SDK1: variants seen among roughly 807,000 people sequenced by gnomAD.
SDK1 encodes protein sidekick-1.
In SDK1, 157 loss-of-function variants were observed where a neutral mutation model predicts 245.5. That is an observed-to-expected ratio of 0.64 (90% CI 0.56 to 0.73). The LOEUF (loss-of-function observed/expected upper bound fraction) is 0.73, where lower values mean the gene tolerates loss of function less well. SDK1 is among the 30% of genes least tolerant of loss of function. The probability of loss-of-function intolerance (pLI) is 0.00; values close to 1 mark genes in which losing one functional copy is unlikely to be tolerated. For synonymous variants in SDK1, 1,647 were observed against 1,278.5 expected (o/e 1.29, Z -6.15); for missense variants, 3,583 against 3,002.3 (o/e 1.19, Z -4.52).
In SDK1 at chr7:3,320,961, A is replaced by G. The variant is rs115997221; in HGVS notation, c.298+19077A>G. Among the ~76,000 whole-genome samples, 1,205 of 152,222 alleles carry G rather than the reference A, an allele frequency of 7.9e-3. 16 individuals are homozygous for G. Among genetic ancestry groups the G allele is most frequent in the African/African-American group, 0.028 (1,171 of 41,544 alleles). Reference sequence around the variant, plus strand: ...AAACCTTGTGCTTGACAAAAATTGAATGTTGCCTGTATACTCCAGACACAA... The same window carrying G: ...AAACCTTGTGCTTGACAAAAATTGAGTGTTGCCTGTATACTCCAGACACAA... On this transcript the variant is annotated intron_variant, in intron 1 of 44. Transcript: ENST00000404826.
Position 4,193,124 on chromosome 7 carries a change from T to C in SDK1, c.5099-12755T>C, listed in dbSNP as rs1348029275. ...TAATATAAATATATTAAAATATATATAATATATAAATATATTAATATATTT... is the reference window on the plus strand; with the variant it reads ...TAATATAAATATATTAAAATATATACAATATATAAATATATTAATATATTT... On this transcript the variant is annotated intron_variant, in intron 35 of 44. Coordinates refer to ENST00000404826, the MANE Select transcript of SDK1 (RefSeq NM_152744.4). Among the ~76,000 whole-genome samples the C allele has an allele frequency of 1.0e-4, 14 of 134,060 alleles. No homozygotes were observed. The East Asian group carries it at 2.4e-3, about 23-fold the overall frequency. The allele number at this position is 134,060 out of a possible 152,430, so 87.9% of individuals were successfully genotyped here. A position where few individuals can be genotyped will look rare whatever the true frequency, so the allele number is the denominator to read the frequency against.
Position 4,026,494 on chromosome 7 carries a change from GC to G in SDK1, c.2602+9143del, listed in dbSNP as rs1304132624. 6.6e-6 allele frequency among the ~76,000 whole-genome samples: 1 copy of G among 152,238 alleles called. No homozygotes were observed. Among genetic ancestry groups the G allele is most frequent in the Non-Finnish European group, 1.5e-5 (1 of 68,046 alleles). On this transcript the variant is annotated intron_variant, in intron 17 of 44. Transcript: ENST00000404826. This position sits in a 1 kb window ranked among gnomAD's most constrained non-coding sequence, Gnocchi z 4.1. ...GTGTGCAGACAGCCTGCCAGGGCCT[GC>G]GGGCTCTCCCCACGTGCTGTGCCCC... is the stretch of plus-strand genomic sequence containing the variant.
At chr7:3,590,405 C>T (rs1212832006) in intron 1 of SDK1, among the ~76,000 whole-genome samples, 3 of 147,574 alleles carry the variant, frequency 2.0e-5, no homozygotes, top group African/African-American at 7.5e-5. Context: ...TCAAACTCTG[C>T]AGAACAAAGA....
At chr7:3,655,294 G>A (rs1011108840) in intron 4 of SDK1, among the ~76,000 whole-genome samples, 7 of 150,854 alleles carry the variant, frequency 4.6e-5, no homozygotes, top group African/African-American at 1.7e-4. Flanking sequence ...TTAGCCAGAC[G>A]TGGTGGCGGG....
intron 4 of SDK1, among the ~76,000 whole-genome samples, chr7:3,798,322 A>G (rs1260597467): frequency 7.0e-6 from 1 of 142,192 alleles, no homozygotes; most frequent in Non-Finnish European, 1.5e-5. Context: ...GGTTCACACC[A>G]TTCTCCTGCC....
intron 1 of SDK1, among the ~76,000 whole-genome samples, chr7:3,490,544 T>A (rs1301904052): frequency 2.6e-5 from 4 of 152,260 alleles, no homozygotes; most frequent in African/African-American, 9.6e-5. Context: ...TTATTTTTTG[T>A]GTCAAGAACT....
At chr7:3,965,832 A>C (rs1409247921) in intron 9 of SDK1, among the ~76,000 whole-genome samples, 2 of 152,064 alleles carry the variant, frequency 1.3e-5, no homozygotes, top group South Asian at 4.1e-4. Flanking sequence ...TAGAAGGAGC[A>C]GGAGTGTGAA....
rs576407124 is a variant in SDK1 at position 3,391,952 on chromosome 7, T to A, written c.298+90068T>A. On this transcript the variant is annotated intron_variant, in intron 1 of 44. Transcript: ENST00000404826. ...CCAACAACTGAAATATTTTTAAAAG[T>A]ATGTATATCATGTAATATATATATA... Among the ~76,000 whole-genome samples the A allele has an allele frequency of 3.2e-5, 4 of 123,568 alleles. No individual in the cohort carries two copies. In the Admixed American group the frequency reaches 3.5e-4, roughly 11 times the overall value. The allele number at this position is 123,568 out of a possible 152,430, so 81.1% of individuals were successfully genotyped here.
chr7:4,027,619 G>A (rs756738361), intron 17 of SDK1, among the ~76,000 whole-genome samples: 2 of 152,080 alleles, frequency 1.3e-5, no homozygotes, highest in African/African-American at 2.4e-5. Context: ...GAGTTTCCTC[G>A]GATTAACCAT....
intron 4 of SDK1, among the ~76,000 whole-genome samples, chr7:3,704,783 G>A (rs1378533134): frequency 6.6e-6 from 1 of 152,118 alleles, no homozygotes; most frequent in African/African-American, 2.4e-5. Context: ...GTCCAAAAGA[G>A]TTTATCCTAG....
At chr7:4,014,320 T>G (rs1001035380) in intron 16 of SDK1, among the ~76,000 whole-genome samples, 3 of 152,224 alleles carry the variant, frequency 2.0e-5, no homozygotes, top group East Asian at 1.9e-4. Context: ...TTTTCTGTGA[T>G]GGGGTCAGTA....
At chr7:3,358,093 C>T (rs1010367634) in intron 1 of SDK1, among the ~76,000 whole-genome samples, 6 of 152,094 alleles carry the variant, frequency 3.9e-5, no homozygotes, top group Non-Finnish European at 8.8e-5. Context: ...AGGATCTCGG[C>T]TCACTGCAAC....
intron 20 of SDK1, among the ~76,000 whole-genome samples, chr7:4,074,918 T>A (rs7458905): frequency 0.087 from 5,187 of 59,454 alleles, 101 homozygotes; most frequent in Non-Finnish European, 0.12. Context: ...ATATATATAT[T>A]TTTTTTTTTT....
intron 4 of SDK1, among the ~76,000 whole-genome samples, chr7:3,696,284 C>G (rs1229021079): frequency 6.6e-6 from 1 of 152,102 alleles, no homozygotes; most frequent in African/African-American, 2.4e-5. Context: ...GGTCATCCTC[C>G]ACTCCTTGGA....
chr7:3,553,712 G>C (rs969963435), intron 1 of SDK1, among the ~76,000 whole-genome samples: 1 of 152,172 alleles, frequency 6.6e-6, no homozygotes, highest in African/African-American at 2.4e-5. Flanking sequence ...GGATCCCACT[G>C]CAACAAATGG....
chr7:3,798,810 A>T (rs1445461040), intron 4 of SDK1, among the ~76,000 whole-genome samples: 1 of 152,188 alleles, frequency 6.6e-6, no homozygotes, highest in Non-Finnish European at 1.5e-5. Flanking sequence ...GACTTTGTGG[A>T]CACACATTAA....
rs756934844 is a variant in SDK1 at position 4,210,161 on chromosome 7, A to G, written c.5538A>G (p.Gln1846=). 5.8e-6 allele frequency: 9 copies of G among 1,557,972 alleles called. No individual in the cohort carries two copies. Among genetic ancestry groups the G allele is most frequent in the Middle Eastern group, 1.7e-4 (1 of 5,848 alleles). The change falls in exon 38 of 45, where the codon CAA becomes CAG. Residue 1846 remains glutamine (Q), a splice_region_variant and synonymous_variant. Transcript: ENST00000404826. ...TGTACGAGCCCTTGGCCCCTGTACA[A>G]GGTAAGACCCGGGGTTGGGGAGATG... ...RVVYEPLAPV[Q]GVSKVVTVEV... is the part of the protein sequence containing the mutation.
At chr7:4,112,164 T>C (rs551335735) in intron 23 of SDK1, among the ~76,000 whole-genome samples, 2 of 152,286 alleles carry the variant, frequency 1.3e-5, no homozygotes, top group East Asian at 3.9e-4. Flanking sequence ...AATCAATATA[T>C]GCAAGGTGAA....
At chr7:3,444,385 T>G (rs982391353) in intron 1 of SDK1, among the ~76,000 whole-genome samples, 1 of 152,198 alleles carries the variant, frequency 6.6e-6, no homozygotes, top group Non-Finnish European at 1.5e-5. Flanking sequence ...TCTACCGTAG[T>G]CTCTTCTTTC....
Sources: allele counts gnomAD v4.1 joint callset (sites outside exome capture counted in the v4.1 genomes callset), GRCh38; gene constraint gnomAD v4.1.1; non-coding constraint Gnocchi (gnomAD v3.1); transcripts MANE v1.5; gene names NCBI Gene and HGNC (gene_info 2026-07-23, HGNC 2026-07-21).